YRDC: variants seen among roughly 807,000 people sequenced by gnomAD.
YRDC encodes threonylcarbamoyl-AMP synthase.
Under a neutral mutation model 21.5 loss-of-function variants are expected in YRDC, and 17 were observed. The ratio of observed to expected loss-of-function variants is 0.79; its 90% CI spans 0.54 to 1.19. The LOEUF is 1.19. Among genes scored for constraint, YRDC ranks in the 50% most tolerant of loss-of-function variants. The probability of loss-of-function intolerance (pLI) is 0.00; values close to 1 mark genes in which losing one functional copy is unlikely to be tolerated. For synonymous variants in YRDC, 193 were observed against 176.7 expected, an observed-to-expected ratio of 1.09 and a Z score of -0.73; for missense variants, 380 against 397.1, an observed-to-expected ratio of 0.96 and a Z score of 0.37.
chr1:37,807,617 C>CATGT, intron 1 of YRDC, 175 bp downstream of exon 1: 1 of 1,203,256 alleles, frequency 8.3e-7, no homozygotes, highest in Non-Finnish European at 1.1e-6. Context: ...TTCCCAGCAG[C>CATGT]ATGTAGTTCA....
intron 1 of YRDC, 93 bp from the exon 2 acceptor site, chr1:37,807,308 C>G (rs573159799): frequency 1.6e-6 from 2 of 1,226,792 alleles, no homozygotes; most frequent in East Asian, 4.9e-5. Context: ...AGGAATCCTT[C>G]GAGTTTACAA....
intron 1 of YRDC, chr1:37,807,567 C>T: frequency 1.1e-6 from 1 of 897,580 alleles, no homozygotes; most frequent in Non-Finnish European, 1.6e-6. Flanking sequence ...CACAAATACG[C>T]CAAGGGAACA....
At position 37,807,772 on chromosome 1, in the gene YRDC, C is replaced by T. The variant is rs1414124616; in HGVS notation, c.389+20G>A. 2 of 1,487,604 alleles carry T rather than the reference C, an allele frequency of 1.3e-6. No homozygotes were observed. Among genetic ancestry groups the T allele is most frequent in the Non-Finnish European group, 1.8e-6 (2 of 1,122,404 alleles). The allele number at this position is 1,487,604 out of a possible 1,614,324, so 92.2% of individuals were successfully genotyped here. A position where few individuals can be genotyped will look rare whatever the true frequency, so the allele number is the denominator to read the frequency against. The stretch of plus-strand genomic sequence containing the variant: ...TCCCGCGGTGCCGCCCCTAGCGGGG[C>T]CGGGTCGGGGCGGCCTTACCTGTAG... On this transcript the variant is annotated intron_variant, in intron 1 of 4. Coordinates refer to ENST00000373044, the MANE Select transcript of YRDC (RefSeq NM_024640.4).
At position 37,803,708 on chromosome 1, in the gene YRDC, A is replaced by G. The variant is rs541641405; in HGVS notation, c.*217T>C. 2.0e-6 allele frequency: 1 copy of G among 511,544 alleles called. No individual in the cohort carries two copies. The highest frequency in any genetic ancestry group is 3.0e-5 in the East Asian group (1 of 33,288). The allele number at this position is 511,544 out of a possible 1,614,324, so 31.7% of individuals were successfully genotyped here. ...CTTTTCCATTCAGCTTTTGGCTGAT[A>G]TATGAAAATACAAATAAATACATCC... On this transcript the variant is annotated 3_prime_UTR_variant, in exon 5 of 5. Transcript: ENST00000373044.
rs768862140 is a variant in YRDC at position 37,804,446 on chromosome 1, TGAG to T, written c.625-5_625-3del. On this transcript the variant is annotated splice_polypyrimidine_tract_variant and splice_region_variant and intron_variant, in intron 3 of 4. Transcript: ENST00000373044. ...CTGAGGCCAGAGATCCTGGAACTCC[TGAG>T]AAGAGGGAGAAGGAAGAGCATGGAC... 2 of 1,610,358 alleles carry T rather than the reference TGAG, an allele frequency of 1.2e-6. No homozygotes were observed. Among genetic ancestry groups the T allele is most frequent in the African/African-American group, 2.7e-5 (2 of 74,768 alleles).
Position 37,803,469 on chromosome 1 carries a change from TG to T in YRDC, c.*455del, listed in dbSNP as rs1646715360. ...GTTCTCCCGCCTGGGCCTCCCAGAA[TG>T]TTGGGATTACAGGCATGAGCCACCA... On this transcript the variant is annotated 3_prime_UTR_variant, in exon 5 of 5. Coordinates refer to ENST00000373044, the MANE Select transcript of YRDC (RefSeq NM_024640.4). 3.8e-5 allele frequency: 6 copies of T among 158,930 alleles called. No homozygotes were observed. In the South Asian group the frequency reaches 1.1e-3, roughly 29 times the overall value. The allele number at this position is 158,930 out of a possible 1,614,324, so 9.8% of individuals were successfully genotyped here.
At position 37,807,210 on chromosome 1, in the gene YRDC, C is replaced by G; in HGVS notation, c.395G>C (p.Cys132Ser). 6.2e-7 allele frequency: 1 copy of G among 1,613,822 alleles called. No individual in the cohort carries two copies. The highest frequency in any genetic ancestry group is 8.5e-7 in the Non-Finnish European group (1 of 1,179,742). Residue 132 changes from cysteine to serine, a missense_variant, in exon 2 of 5, where the codon TGC (cysteine) becomes TCC (serine). By Grantham distance (112) the Cys-to-Ser change is moderately radical. Around this residue, in one of 3 missense-constraint regions of YRDC, gnomAD observed 238 missense variants for 236.5 expected, o/e 1.01. Transcript: ENST00000373044. ...GAGCCCCTCAGGTACTCTCACACGG[C>G]AGTATCTGGGAAACACAGAAGAATA... The part of the protein sequence containing the change: ...LGRVADVYRY[C>S]RVRVPEGLLK...
intron 2 of YRDC, 36 bp from the exon 3 acceptor site, chr1:37,807,012 T>A (rs1222649050): frequency 6.2e-7 from 1 of 1,614,166 alleles, no homozygotes; most frequent in East Asian, 2.2e-5. Flanking sequence ...TGAGAAAGGT[T>A]GGAAGGGATA....
chr1:37,807,209 G>A lies in YRDC; in HGVS notation c.396C>T (p.Cys132=). 6.2e-7 allele frequency: 1 copy of A among 1,613,748 alleles called. No homozygotes were observed. The highest frequency in any genetic ancestry group is 8.5e-7 in the Non-Finnish European group (1 of 1,179,674). ...GGAGCCCCTCAGGTACTCTCACACG[G>A]CAGTATCTGGGAAACACAGAAGAAT... ...LGRVADVYRY[C]RVRVPEGLLK... is the part of the protein sequence containing the mutation. The change falls in exon 2 of 5, where the codon TGC becomes TGT. Residue 132 remains cysteine (C), a synonymous_variant. Transcript: ENST00000373044.
In YRDC at chr1:37,807,101, A is replaced by G. The variant is rs745440643; in HGVS notation, c.504T>C (p.Pro168=). ...ELNKDLNPFT[P]LVGIRIPDHA... ...GGACACAAGAGAAAACTTGACTCACAGGCGTAAAAGGGTTTAGGTCCTTGT... is the reference window on the plus strand; with the variant it reads ...GGACACAAGAGAAAACTTGACTCACGGGCGTAAAAGGGTTTAGGTCCTTGT... The change falls in exon 2 of 5, where the codon CCT becomes CCC. Residue 168 remains proline (P), a splice_region_variant and synonymous_variant. Coordinates refer to ENST00000373044, the MANE Select transcript of YRDC (RefSeq NM_024640.4). 6.2e-7 allele frequency: 1 copy of G among 1,614,172 alleles called. No homozygotes were observed. The highest frequency in any genetic ancestry group is 1.7e-5 in the Admixed American group (1 of 60,020).
At chr1:37,807,447 G>A in intron 1 of YRDC, 2 of 595,516 alleles carry the variant, frequency 3.4e-6, no homozygotes, top group South Asian at 2.1e-5. Context: ...GCACCGCTGT[G>A]ATATCATGAT....
At chr1:37,804,586 A>C (rs774708363) in intron 3 of YRDC, 142 bp from the exon 4 acceptor site, 6 of 1,131,814 alleles carry the variant, frequency 5.3e-6, no homozygotes, top group Non-Finnish European at 6.0e-6. Flanking sequence ...TCATTTAGTT[A>C]AGGTCAACTG....
At chr1:37,807,646 G>A (rs1033611058) in intron 1 of YRDC, 146 bp downstream of exon 1, 54 of 1,336,184 alleles carry the variant, frequency 4.0e-5, no homozygotes, top group Non-Finnish European at 4.9e-5. Flanking sequence ...GGCACGTTAA[G>A]TCCTCGGTAC....
rs1646718878 is a variant in YRDC at position 37,804,012 on chromosome 1, G to C, written c.768-15C>G. The C allele has an allele frequency of 6.2e-7, 1 of 1,614,092 alleles. No homozygotes were observed. The highest frequency in any genetic ancestry group is 8.5e-7 in the Non-Finnish European group (1 of 1,179,958). On this transcript the variant is annotated splice_polypyrimidine_tract_variant and intron_variant, in intron 4 of 4. Coordinates refer to ENST00000373044, the MANE Select transcript of YRDC (RefSeq NM_024640.4). ...TTTCCAGGGCACTGAGGAGGAAACAGGACAGTTACCAGTCTGACTTCTCAG... is the reference window on the plus strand; with the variant it reads ...TTTCCAGGGCACTGAGGAGGAAACACGACAGTTACCAGTCTGACTTCTCAG...
At chr1:37,807,370 C>G in intron 1 of YRDC, 155 bp from the exon 2 acceptor site, 1 of 743,674 alleles carries the variant, frequency 1.3e-6, no homozygotes. Context: ...GAGCAGAAAG[C>G]AGGGCTCCAG....
At position 37,807,784 on chromosome 1, in the gene YRDC, G is replaced by A. The variant is rs1030112531; in HGVS notation, c.389+8C>T. ...GCCCCTAGCGGGGCCGGGTCGGGGC[G>A]GCCTTACCTGTAGACGTCGGCCACG... is the stretch of plus-strand genomic sequence containing the variant. On this transcript the variant is annotated splice_region_variant and intron_variant, in intron 1 of 4. Transcript: ENST00000373044. The A allele has an allele frequency of 1.3e-6, 2 of 1,501,572 alleles. No homozygotes were observed. The highest frequency in any genetic ancestry group is 1.4e-5 in the African/African-American group (1 of 70,690). The allele number at this position is 1,501,572 out of a possible 1,614,324, so 93.0% of individuals were successfully genotyped here.
intron 1 of YRDC, 90 bp downstream of exon 1, chr1:37,807,702 C>T: frequency 7.3e-7 from 1 of 1,363,618 alleles, no homozygotes; most frequent in Non-Finnish European, 9.5e-7. Context: ...CAAGCCCCTC[C>T]CGCTCTCTGC....
At position 37,808,172 on chromosome 1, in the gene YRDC, C is replaced by T. The variant is rs370868306; in HGVS notation, c.9G>A (p.Pro3=). 1.4e-6 allele frequency: 2 copies of T among 1,454,568 alleles called. No individual in the cohort carries two copies. Among genetic ancestry groups the T allele is most frequent in the Non-Finnish European group, 1.8e-6 (2 of 1,107,556 alleles). The allele number at this position is 1,454,568 out of a possible 1,614,324, so 90.1% of individuals were successfully genotyped here. ...CCCTCATCCCCCTGCACCGACGCGCCGGAGACATCCGCCCAGGCCCGCTTC... is the reference window on the plus strand; with the variant it reads ...CCCTCATCCCCCTGCACCGACGCGCTGGAGACATCCGCCCAGGCCCGCTTC... MS[P]ARRCRGMRAA... is the part of the protein sequence containing the mutation. The change falls in exon 1 of 5, where the codon CCG becomes CCA. Residue 3 remains proline (P), a synonymous_variant. Transcript: ENST00000373044.
intron 4 of YRDC, 62 bp downstream of exon 4, chr1:37,804,239 GC>G: frequency 1.9e-6 from 3 of 1,572,222 alleles, no homozygotes; most frequent in Non-Finnish European, 2.6e-6. Flanking sequence ...TCTTGTCAAA[GC>G]TTTTTTGCAT....
Sources: gnomAD v4.1 joint callset for allele counts on GRCh38, gnomAD v4.1.1 for gene constraint, gnomAD v4.1.1 regional missense constraint, MANE v1.5 for transcripts, NCBI Gene and HGNC (gene_info 2026-07-23, HGNC 2026-07-21) for gene names.